Variants in C1QTNF9 observed in about 807,000 individuals in gnomAD.
C1QTNF9 encodes complement C1q and tumor necrosis factor-related protein 9A.
C1QTNF9 carries 6 observed loss-of-function variants against 10.1 expected under a neutral mutation model. The ratio of observed to expected loss-of-function variants is 0.59; its 90% CI spans 0.32 to 1.17. The LOEUF (loss-of-function observed/expected upper bound fraction) is 1.17, where lower values mean the gene tolerates loss of function less well. Ranked by LOEUF, C1QTNF9 falls within the 50% of genes most tolerant of loss-of-function variation. C1QTNF9 has a pLI of 0.04. For missense variants in C1QTNF9, 201 were observed against 418.8 expected, an observed-to-expected ratio of 0.48 and a Z score of 4.54; for synonymous variants, 98 against 163.5, an observed-to-expected ratio of 0.60 and a Z score of 3.06.
At chr13:24,312,880 G>A (rs1316597721) in intron 1 of C1QTNF9, among the ~76,000 whole-genome samples, 1 of 151,566 alleles carries the variant, frequency 6.6e-6, no homozygotes, top group Non-Finnish European at 1.5e-5. Context: ...GTGCGAACCC[G>A]GGAGGCAGAG....
chr13:24,314,342 A>T (rs1367041852), intron 1 of C1QTNF9, among the ~76,000 whole-genome samples: 1 of 151,700 alleles, frequency 6.6e-6, no homozygotes, highest in Non-Finnish European at 1.5e-5. Flanking sequence ...TTTCAAGACC[A>T]GCCTGGGCAA....
At chr13:24,317,286 T>TGTG (rs56778525) in intron 2 of C1QTNF9, among the ~76,000 whole-genome samples, 1 of 151,390 alleles carries the variant, frequency 6.6e-6, no homozygotes, top group African/African-American at 2.4e-5. Context: ...TGTGTGTGTA[T>TGTG]TGTATTTCTG....
chr13:24,309,386 A>T (rs1464300668), upstream of C1QTNF9, among the ~76,000 whole-genome samples: 3 of 150,646 alleles, frequency 2.0e-5, no homozygotes, highest in African/African-American at 7.4e-5. Context: ...AAAGGATTTA[A>T]CTTTTCTAAA....
upstream of C1QTNF9, among the ~76,000 whole-genome samples, chr13:24,308,380 G>A (rs1203870905): frequency 1.3e-5 from 2 of 152,222 alleles, no homozygotes; most frequent in Non-Finnish European, 2.9e-5. Flanking sequence ...CAGAACTGCT[G>A]AGAGCCCCCA....
chr13:24,309,969 C>T (rs1297059911), intron 1 of C1QTNF9, among the ~76,000 whole-genome samples: 1 of 152,102 alleles, frequency 6.6e-6, no homozygotes, highest in Non-Finnish European at 1.5e-5. Context: ...GATTTCAGCT[C>T]ACTGCAACCT....
chr13:24,309,286 TATA>T (rs1877723762), upstream of C1QTNF9, among the ~76,000 whole-genome samples: 8 of 25,902 alleles, frequency 3.1e-4, no homozygotes, highest in African/African-American at 4.3e-4. Flanking sequence ...TAAAGTATTA[TATA>T]TATATATATA....
chr13:24,321,493 T>A (rs78083136), exon 4 of C1QTNF9: 176,037 of 1,586,098 alleles, frequency 0.11, no homozygotes, highest in Non-Finnish European at 0.13. Flanking sequence ...GAAATTCACG[T>A]GCCACATTGC....
At chr13:24,309,283 T>TTATATATA (rs72150411), upstream of C1QTNF9, among the ~76,000 whole-genome samples, 349 of 68,280 alleles carry the variant, frequency 5.1e-3, 53 homozygotes, top group African/African-American at 0.014. Context: ...ACTTAAAGTA[T>TTATATATA]TATATATATA....
intron 3 of C1QTNF9, among the ~76,000 whole-genome samples, chr13:24,320,353 C>T (rs1466690517): frequency 2.6e-5 from 4 of 152,160 alleles, no homozygotes; most frequent in Non-Finnish European, 5.9e-5. Context: ...TCCATGTGCA[C>T]ACACGTGTGT....
At chr13:24,311,385 G>A (rs908654495) in intron 1 of C1QTNF9, among the ~76,000 whole-genome samples, 9 of 152,240 alleles carry the variant, frequency 5.9e-5, no homozygotes, top group African/African-American at 2.2e-4. Flanking sequence ...GTTATTTGCA[G>A]TCTGTGTCCC....
At chr13:24,310,766 G>C (rs933715510) in intron 1 of C1QTNF9, among the ~76,000 whole-genome samples, 41 of 151,928 alleles carry the variant, frequency 2.7e-4, no homozygotes, top group African/African-American at 9.6e-4. Context: ...CAAAAAATTA[G>C]CCAGGCGTGG....
At chr13:24,317,254 A>AGTGT (rs10663026) in intron 2 of C1QTNF9, among the ~76,000 whole-genome samples, 24,699 of 125,844 alleles carry the variant, frequency 0.2, 2,314 homozygotes, top group East Asian at 0.3. Context: ...GGACCACAGT[A>AGTGT]GTGTGTGTGT....
chr13:24,320,542 G>A (rs1460863426), intron 3 of C1QTNF9, among the ~76,000 whole-genome samples: 4 of 151,912 alleles, frequency 2.6e-5, no homozygotes, highest in Admixed American at 6.6e-5. Flanking sequence ...GCACCACCGC[G>A]CCTGGCTAAT....
intron 2 of C1QTNF9, among the ~76,000 whole-genome samples, chr13:24,317,698 T>G (rs1445463187): frequency 2.0e-5 from 3 of 152,082 alleles, no homozygotes; most frequent in Non-Finnish European, 4.4e-5. Context: ...AAATATCTAC[T>G]GATTGGGGTC....
intron 1 of C1QTNF9, among the ~76,000 whole-genome samples, chr13:24,313,875 G>A (rs1283225702): frequency 1.3e-5 from 2 of 152,078 alleles, no homozygotes; most frequent in African/African-American, 4.8e-5. Flanking sequence ...AATGTGCATG[G>A]CATTTTAGTC....
At chr13:24,321,723 C>T (rs369815850) in exon 4 of C1QTNF9, 136 of 1,600,770 alleles carry the variant, frequency 8.5e-5, no homozygotes, top group African/African-American at 2.9e-4. Flanking sequence ...CTGATGAGGA[C>T]GATGACACAA....
At chr13:24,316,590 G>T (rs1456149567) in intron 2 of C1QTNF9, among the ~76,000 whole-genome samples, 2 of 152,248 alleles carry the variant, frequency 1.3e-5, no homozygotes, top group Admixed American at 6.5e-5. Flanking sequence ...GCACCCAGCT[G>T]CAGTGCAGGT....
chr13:24,317,464 C>CTTTT (rs1380185481), intron 2 of C1QTNF9, among the ~76,000 whole-genome samples: 1 of 152,054 alleles, frequency 6.6e-6, no homozygotes, highest in African/African-American at 2.4e-5. Context: ...AGTGTCCATT[C>CTTTT]TTTCAAGTTT....
chr13:24,309,283 T>TTATTTATATATATATATA (rs1555279694), upstream of C1QTNF9, among the ~76,000 whole-genome samples: 1 of 68,266 alleles, frequency 1.5e-5, no homozygotes, highest in Non-Finnish European at 3.4e-5. Flanking sequence ...ACTTAAAGTA[T>TTATTTATATATATATATA]TATATATATA....
Sources: gnomAD v4.1 joint callset for allele counts (sites outside exome capture counted in the v4.1 genomes callset) on GRCh38, gnomAD v4.1.1 for gene constraint, MANE v1.5 for transcripts, NCBI Gene and HGNC (gene_info 2026-07-23, HGNC 2026-07-21) for gene names.